Variants in CCDC7 observed in about 807,000 individuals in gnomAD.
The protein encoded by CCDC7 is coiled-coil domain containing 7.
A neutral mutation model predicts 196.9 loss-of-function variants in CCDC7; 183 were observed. The observed-to-expected ratio is 0.93, with a 90% CI of 0.82 to 1.05. The LOEUF (loss-of-function observed/expected upper bound fraction) is 1.05. Among genes scored for constraint, CCDC7 ranks in the 50% least tolerant of loss-of-function variants. The probability of loss-of-function intolerance (pLI) is 0.00; values close to 1 mark genes in which losing one functional copy is unlikely to be tolerated. For synonymous variants in CCDC7, 525 were observed against 484.6 expected (o/e 1.08, Z -1.10); for missense variants, 1,540 against 1,482.2 (o/e 1.04, Z -0.64).
intron 29 of CCDC7, among the ~76,000 whole-genome samples, chr10:32,798,382 C>G (rs1373402885): frequency 2.0e-5 from 3 of 152,204 alleles, no homozygotes; most frequent in African/African-American, 7.2e-5. Context: ...ATCCCTGCCA[C>G]CATGGCCACT....
rs148564662 is a variant in CCDC7 at position 32,868,746 on chromosome 10, G to T, written c.4112-7601G>T. Among the ~76,000 whole-genome samples, 68 of 121,144 alleles carry T rather than the reference G, an allele frequency of 5.6e-4. No homozygotes were observed. The East Asian group carries it at 0.013, about 24-fold the overall frequency. The allele number at this position is 121,144 out of a possible 152,430, so 79.5% of individuals were successfully genotyped here. A position where few individuals can be genotyped will look rare whatever the true frequency, so the allele number is the denominator to read the frequency against. ...CCCCCACCCCACAAAAGGCCCTGGC[G>T]TGTGATGTTCCCCTTCCTGTGTCCA... is the stretch of plus-strand genomic sequence containing the variant. On this transcript the variant is annotated intron_variant, in intron 41 of 41. Coordinates refer to ENST00000639629, the Ensembl canonical transcript of CCDC7.
chr10:32,511,273 GGA>G, intron 9 of CCDC7: 659 of 781,618 alleles, frequency 8.4e-4, no homozygotes, highest in Middle Eastern at 4.7e-3. Flanking sequence ...GGGGGGGCGG[GGA>G]AATGTACTTT....
At chr10:32,518,420 A>G (rs760783761) in exon 11 of CCDC7, 20 of 1,598,426 alleles carry the variant, frequency 1.3e-5, no homozygotes, top group Non-Finnish European at 1.7e-5. Flanking sequence ...TTTTAGGAAT[A>G]CAAACAGATG....
intron 3 of CCDC7, among the ~76,000 whole-genome samples, chr10:32,459,800 A>G (rs769850091): frequency 3.9e-5 from 6 of 152,172 alleles, no homozygotes; most frequent in Non-Finnish European, 7.4e-5. Flanking sequence ...GAAGAAAATG[A>G]ACAAGGCCAA....
chr10:32,564,015 G>A (rs1003749232), intron 13 of CCDC7, among the ~76,000 whole-genome samples: 2 of 152,264 alleles, frequency 1.3e-5, no homozygotes, highest in Middle Eastern at 3.4e-3. Context: ...CTTCTCAAAA[G>A]AAGACATTTA....
Position 32,729,015 on chromosome 10 carries a change from C to T in CCDC7, c.2779+18C>T, listed in dbSNP as rs185236135. On this transcript the variant is annotated intron_variant, in intron 27 of 41. Coordinates refer to ENST00000639629, the Ensembl canonical transcript of CCDC7. ...ACACAAGAGTGAGTATAATAATTAT[C>T]GATAACTTTAAATTATTTTATGTTG... is the stretch of plus-strand genomic sequence containing the variant. The T allele has an allele frequency of 1.3e-4, 190 of 1,463,428 alleles. No homozygotes were observed. The African/African-American group carries it at 2.2e-3, about 17-fold the overall frequency. 90.7% of individuals were successfully genotyped at this position (1,463,428 alleles called of 1,614,324 possible). A position where few individuals can be genotyped will look rare whatever the true frequency, so the allele number is the denominator to read the frequency against.
At chr10:32,543,433 A>G (rs2051851941) in intron 12 of CCDC7, 48 bp downstream of exon 13, 3 of 1,235,170 alleles carry the variant, frequency 2.4e-6, no homozygotes, top group Non-Finnish European at 3.2e-6. Context: ...GTTAATTTAT[A>G]TTTTCTTTTT....
exon 2 of CCDC7, chr10:32,453,408 A>C: frequency 6.4e-7 from 1 of 1,552,206 alleles, no homozygotes; most frequent in Non-Finnish European, 8.7e-7. Context: ...CCATTTGTAA[A>C]GCATGAACAT....
chr10:32,615,364 G>C (rs2062664466), intron 18 of CCDC7, among the ~76,000 whole-genome samples: 1 of 152,160 alleles, frequency 6.6e-6, no homozygotes, highest in South Asian at 2.1e-4. Flanking sequence ...TTTAATAACA[G>C]CCATTCTGAC....
chr10:32,751,851 G>A (rs542797087), intron 28 of CCDC7, among the ~76,000 whole-genome samples: 23 of 152,192 alleles, frequency 1.5e-4, no homozygotes, highest in African/African-American at 4.1e-4. Context: ...TATGGCAGTC[G>A]AAAAGATATT....
At chr10:32,696,709 G>T (rs964533348) in intron 24 of CCDC7, among the ~76,000 whole-genome samples, 1 of 152,102 alleles carries the variant, frequency 6.6e-6, no homozygotes, top group Non-Finnish European at 1.5e-5. Context: ...TTATTGTTGG[G>T]TAACCAAACC....
intron 13 of CCDC7, among the ~76,000 whole-genome samples, chr10:32,559,448 C>T (rs532944526): frequency 6.6e-6 from 1 of 152,342 alleles, no homozygotes; most frequent in Admixed American, 6.5e-5. Context: ...TGACACCTCA[C>T]ACGGCCGGGT....
intron 20 of CCDC7, among the ~76,000 whole-genome samples, chr10:32,659,938 C>T (rs761486720): frequency 1.2e-4 from 18 of 152,098 alleles, no homozygotes; most frequent in Admixed American, 9.2e-4. Flanking sequence ...GACCTAAAAA[C>T]AGAAATAGCA....
At chr10:32,672,578 ATC>A (rs2074253578) in intron 21 of CCDC7, among the ~76,000 whole-genome samples, 1 of 152,170 alleles carries the variant, frequency 6.6e-6, no homozygotes, top group Admixed American at 6.6e-5. Context: ...GTACAGACAC[ATC>A]ACCCTTTCTG....
At chr10:32,801,237 G>A (rs1364679940) in intron 29 of CCDC7, among the ~76,000 whole-genome samples, 1 of 152,164 alleles carries the variant, frequency 6.6e-6, no homozygotes, top group Non-Finnish European at 1.5e-5. Context: ...CCTCCCAGCT[G>A]GGATGAGTAG....
intron 18 of CCDC7, among the ~76,000 whole-genome samples, chr10:32,599,610 G>A (rs1256035399): frequency 6.6e-6 from 1 of 151,538 alleles, no homozygotes; most frequent in Non-Finnish European, 1.5e-5. Flanking sequence ...GGTTAATATG[G>A]GGATTATATT....
rs548796582 is a variant in CCDC7 at position 32,729,003 on chromosome 10, T to C, written c.2779+6T>C. On this transcript the variant is annotated splice_donor_region_variant and intron_variant, in intron 27 of 41. Transcript: ENST00000639629. Reference sequence around the variant, plus strand: ...TGGAGTGGAAAGACACAAGAGTGAGTATAATAATTATCGATAACTTTAAAT... The same window carrying C: ...TGGAGTGGAAAGACACAAGAGTGAGCATAATAATTATCGATAACTTTAAAT... 1.1e-5 allele frequency: 17 copies of C among 1,516,830 alleles called. No homozygotes were observed. In the South Asian group the frequency reaches 2.0e-4, roughly 18 times the overall value. 94.0% of individuals were successfully genotyped at this position (1,516,830 alleles called of 1,614,324 possible). A position where few individuals can be genotyped will look rare whatever the true frequency, so the allele number is the denominator to read the frequency against.
chr10:32,728,630 T>C (rs1211164068), intron 26 of CCDC7, among the ~76,000 whole-genome samples: 1 of 152,192 alleles, frequency 6.6e-6, no homozygotes, highest in Non-Finnish European at 1.5e-5. Flanking sequence ...TCATGTATTA[T>C]GTAAGTATTT....
chr10:32,871,515 C>T (rs1018162043), intron 41 of CCDC7, among the ~76,000 whole-genome samples: 4 of 149,872 alleles, frequency 2.7e-5, no homozygotes, highest in Non-Finnish European at 5.9e-5. Context: ...GTCTTGCTAG[C>T]GGTCTGTCAA....
Sources: gnomAD v4.1 joint callset for allele counts (sites outside exome capture counted in the v4.1 genomes callset) on GRCh38, gnomAD v4.1.1 for gene constraint, MANE v1.5 for transcripts, NCBI Gene and HGNC (gene_info 2026-07-23, HGNC 2026-07-21) for gene names.